ELMO1: variants seen among roughly 807,000 people sequenced by gnomAD.
ELMO1 encodes engulfment and cell motility 1.
ELMO1 carries 26 observed loss-of-function variants against 98.9 expected under a neutral mutation model. The ratio of observed to expected loss-of-function variants is 0.26; its 90% CI spans 0.19 to 0.36. The LOEUF (loss-of-function observed/expected upper bound fraction) is 0.36, where lower values mean the gene tolerates loss of function less well. ELMO1 is among the 10% of genes least tolerant of loss of function. The pLI is 1.00. For missense variants in ELMO1, 627 were observed against 935.2 expected (o/e 0.67, Z 4.30); for synonymous variants, 346 against 346.0 (o/e 1.00, Z 0.00).
rs542471275 is a variant in ELMO1 at position 37,163,502 on chromosome 7, C to T, written c.1087-30268G>A. Among the ~76,000 whole-genome samples, 5 of 149,284 alleles carry T rather than the reference C, an allele frequency of 3.3e-5. No individual in the cohort carries two copies. In the East Asian group the frequency reaches 7.9e-4, roughly 24 times the overall value. On this transcript the variant is annotated intron_variant, in intron 13 of 21. Coordinates refer to ENST00000310758, the MANE Select transcript of ELMO1 (RefSeq NM_014800.11). Reference sequence around the variant, plus strand: ...ATGCTATCCCTCCCCCATCCCCCAACCCCACAACAGTCCCCAGAGCGTGAT... The same window carrying T: ...ATGCTATCCCTCCCCCATCCCCCAATCCCACAACAGTCCCCAGAGCGTGAT...
chr7:37,281,205 T>C lies in ELMO1; in HGVS notation c.193-9323A>G, dbSNP rs539644464. ...TGAGGACACAAAGGCATAAGAATGA[T>C]ACAATGGACTGTGGGGACTTGGGGG... On this transcript the variant is annotated intron_variant, in intron 4 of 21. Coordinates refer to ENST00000310758, the MANE Select transcript of ELMO1 (RefSeq NM_014800.11). 4.1e-4 allele frequency among the ~76,000 whole-genome samples: 60 copies of C among 148,062 alleles called. No homozygotes were observed. In the East Asian group the frequency reaches 0.012, roughly 31 times the overall value.
chr7:36,953,921 GGAA>G (rs920761257), intron 16 of ELMO1, among the ~76,000 whole-genome samples: 1 of 150,276 alleles, frequency 6.7e-6, no homozygotes, highest in African/African-American at 2.5e-5. Context: ...TAGGAACTTT[GGAA>G]GAAGGGGAAT....
intron 15 of ELMO1, among the ~76,000 whole-genome samples, chr7:37,058,581 TTC>T (rs2129211114): frequency 6.6e-6 from 1 of 152,250 alleles, no homozygotes; most frequent in South Asian, 2.1e-4. Flanking sequence ...CGCGAAATGA[TTC>T]TGTGTCTGCA....
chr7:37,430,227 G>T (rs1217786987), intron 1 of ELMO1, among the ~76,000 whole-genome samples: 1 of 152,134 alleles, frequency 6.6e-6, no homozygotes, highest in Non-Finnish European at 1.5e-5. Context: ...TGGCCAACAG[G>T]ACACAGGCCT....
At chr7:37,102,370 T>C (rs1407370851) in intron 14 of ELMO1, among the ~76,000 whole-genome samples, 1 of 152,156 alleles carries the variant, frequency 6.6e-6, no homozygotes, top group Admixed American at 6.5e-5. Context: ...AACAAACATG[T>C]CCAAGCCCTA....
intron 1 of ELMO1, among the ~76,000 whole-genome samples, chr7:37,354,648 A>G (rs1583615889): frequency 6.6e-6 from 1 of 151,184 alleles, no homozygotes; most frequent in South Asian, 2.1e-4. Flanking sequence ...TGCTTTTCAA[A>G]TTCCTTTTCA....
intron 15 of ELMO1, among the ~76,000 whole-genome samples, chr7:37,046,272 GA>G (rs1416408122): frequency 6.6e-6 from 1 of 152,210 alleles, no homozygotes; most frequent in Admixed American, 6.5e-5. Flanking sequence ...GCTGGCCTCT[GA>G]AAGAGAGAAA....
At position 37,233,095 on chromosome 7, in the gene ELMO1, C is replaced by T; in HGVS notation, c.549G>A (p.Lys183=). Residue 183 remains lysine, a splice_region_variant and synonymous_variant, in exon 8 of 22, where the codon AAG becomes AAA. Transcript: ENST00000310758. ...CCTAAAGAGGCAGAGTCCACCTTAC[C>T]TTCTTAATGAACGCCACCGAAAATG... ...WDTFSVAFIK[K]IASFVNKSAI... 6.2e-7 allele frequency: 1 copy of T among 1,612,566 alleles called. No homozygotes were observed. The highest frequency in any genetic ancestry group is 8.5e-7 in the Non-Finnish European group (1 of 1,179,334).
chr7:37,039,258 G>A lies in ELMO1; in HGVS notation c.1301-25823C>T, dbSNP rs1795364637. Among the ~76,000 whole-genome samples, 3 of 152,134 alleles carry A rather than the reference G, an allele frequency of 2.0e-5. No individual in the cohort carries two copies. In the South Asian group the frequency reaches 6.2e-4, roughly 32 times the overall value. On this transcript the variant is annotated intron_variant, in intron 15 of 21. Coordinates refer to ENST00000310758, the MANE Select transcript of ELMO1 (RefSeq NM_014800.11). ...TACAGATTATGACATGCCATGGTTT[G>A]AGGTCAACTGGTTTTCTCTGTTTCA... is the stretch of plus-strand genomic sequence containing the variant.
intron 11 of ELMO1, among the ~76,000 whole-genome samples, chr7:37,216,109 A>C (rs1260737086): frequency 6.7e-6 from 1 of 149,214 alleles, no homozygotes; most frequent in Non-Finnish European, 1.5e-5. Context: ...GTTTATTTCT[A>C]AACATTTGCA....
intron 15 of ELMO1, among the ~76,000 whole-genome samples, chr7:37,078,457 T>A (rs983104626): frequency 1.3e-5 from 2 of 152,188 alleles, no homozygotes; most frequent in African/African-American, 4.8e-5. Flanking sequence ...TCTCCCTATA[T>A]ATGATCACCC....
At chr7:36,963,056 T>C (rs929386392) in intron 16 of ELMO1, among the ~76,000 whole-genome samples, 2 of 152,164 alleles carry the variant, frequency 1.3e-5, no homozygotes, top group African/African-American at 4.8e-5. Context: ...TAAATCCTGA[T>C]AGAGTTACAC....
In ELMO1 at chr7:36,854,180, C is replaced by A. The variant is rs1175172317; in HGVS notation, c.*1371G>T. ...CACTGATGCTCAGAGCCTATGGTGACCTAGCAATGGTGGAGGGTTTCCCAC... is the reference window on the plus strand; with the variant it reads ...CACTGATGCTCAGAGCCTATGGTGAACTAGCAATGGTGGAGGGTTTCCCAC... On this transcript the variant is annotated 3_prime_UTR_variant, in exon 22 of 22. Coordinates refer to ENST00000310758, the MANE Select transcript of ELMO1 (RefSeq NM_014800.11). 1.3e-5 allele frequency among the ~76,000 whole-genome samples: 2 copies of A among 152,020 alleles called. No homozygotes were observed. Among genetic ancestry groups the A allele is most frequent in the African/African-American group, 4.8e-5 (2 of 41,324 alleles).
intron 5 of ELMO1, among the ~76,000 whole-genome samples, chr7:37,267,902 C>A (rs1294942510): frequency 6.6e-6 from 1 of 152,112 alleles, no homozygotes; most frequent in Non-Finnish European, 1.5e-5. Context: ...TTCTGGAATT[C>A]TTTCCAAACA....
At chr7:37,109,580 G>C (rs1785129414) in intron 14 of ELMO1, among the ~76,000 whole-genome samples, 1 of 152,252 alleles carries the variant, frequency 6.6e-6, no homozygotes, top group South Asian at 2.1e-4. Flanking sequence ...AACAGAGAAG[G>C]GACAATCTGT....
At chr7:37,009,356 G>A (rs1423395518) in intron 16 of ELMO1, among the ~76,000 whole-genome samples, 2 of 152,188 alleles carry the variant, frequency 1.3e-5, no homozygotes, top group African/African-American at 4.8e-5. Flanking sequence ...CTGAAAGAAA[G>A]TACTTTTCAA....
At chr7:36,908,594 T>C (rs563169197) in intron 16 of ELMO1, among the ~76,000 whole-genome samples, 8 of 152,196 alleles carry the variant, frequency 5.3e-5, no homozygotes, top group African/African-American at 1.7e-4. Flanking sequence ...AAAAACGGCA[T>C]ACATCTTGTA....
intron 15 of ELMO1, among the ~76,000 whole-genome samples, chr7:37,079,317 T>A (rs976141027): frequency 6.6e-6 from 1 of 152,208 alleles, no homozygotes; most frequent in African/African-American, 2.4e-5. Context: ...TCTCAAACTA[T>A]CTGCAGTGAA....
intron 1 of ELMO1, among the ~76,000 whole-genome samples, chr7:37,366,819 A>G (rs1801920740): frequency 6.6e-6 from 1 of 152,216 alleles, no homozygotes; most frequent in African/African-American, 2.4e-5. Context: ...ATTAACAAGA[A>G]GCTTCTTCCC....
Sources: allele counts gnomAD v4.1 joint callset (sites outside exome capture counted in the v4.1 genomes callset), GRCh38; gene constraint gnomAD v4.1.1; transcripts MANE v1.5; gene names NCBI Gene and HGNC (gene_info 2026-07-23, HGNC 2026-07-21).